Variants in SLC4A4 observed in about 807,000 individuals in gnomAD.
The protein encoded by SLC4A4 is solute carrier family 4 member 4, also known as electrogenic sodium bicarbonate cotransporter 1.
Under a neutral mutation model 111.5 loss-of-function variants are expected in SLC4A4, and 27 were observed. That is an observed-to-expected ratio of 0.24 (90% CI 0.18 to 0.33). SLC4A4 has a LOEUF of 0.33. Ranked by LOEUF, SLC4A4 falls within the 10% of genes least tolerant of loss-of-function variation. SLC4A4 has a pLI of 1.00. For synonymous variants in SLC4A4, 443 were observed against 463.4 expected (o/e 0.96, Z 0.57); for missense variants, 909 against 1,315.5 (o/e 0.69, Z 4.78).
chr4:71,276,591 T>C (rs1723088376), intron 3 of SLC4A4, among the ~76,000 whole-genome samples: 1 of 152,184 alleles, frequency 6.6e-6, no homozygotes, highest in East Asian at 1.9e-4. Context: ...TCTTCTTCTT[T>C]TTTTTTCCCA....
chr4:71,553,734 A>G (rs1291974902), intron 20 of SLC4A4, among the ~76,000 whole-genome samples: 1 of 151,870 alleles, frequency 6.6e-6, no homozygotes, highest in African/African-American at 2.4e-5. Flanking sequence ...AAGGAATAGA[A>G]ACATGCACAT....
intron 2 of SLC4A4, among the ~76,000 whole-genome samples, chr4:71,152,021 C>CA (rs201549552): frequency 1.3e-5 from 2 of 150,426 alleles, no homozygotes; most frequent in African/African-American, 4.9e-5. Flanking sequence ...AAAACCCTCT[C>CA]AAAAAAAAAT....
intron 1 of SLC4A4, among the ~76,000 whole-genome samples, chr4:71,066,416 T>G (rs1488579943): frequency 6.6e-6 from 1 of 152,190 alleles, no homozygotes; most frequent in Non-Finnish European, 1.5e-5. Context: ...AATTTGATAT[T>G]CTGGTTCAAG....
intron 3 of SLC4A4, among the ~76,000 whole-genome samples, chr4:71,306,631 A>C (rs1420187120): frequency 6.6e-6 from 1 of 152,220 alleles, no homozygotes; most frequent in East Asian, 1.9e-4. Flanking sequence ...GAAAAAATTA[A>C]ATGCAAAGAA....
intron 12 of SLC4A4, among the ~76,000 whole-genome samples, chr4:71,462,735 T>C (rs975608245): frequency 6.6e-6 from 1 of 152,100 alleles, no homozygotes; most frequent in African/African-American, 2.4e-5. Context: ...ATAAGTACAG[T>C]ACACATATGG....
chr4:71,347,951 A>G (rs1729476319), intron 4 of SLC4A4, among the ~76,000 whole-genome samples: 1 of 152,180 alleles, frequency 6.6e-6, no homozygotes, highest in Non-Finnish European at 1.5e-5. Flanking sequence ...AGATGACATA[A>G]TTCTAGATAA....
chr4:71,400,653 A>G (rs182923008), intron 7 of SLC4A4, among the ~76,000 whole-genome samples: 3 of 152,320 alleles, frequency 2.0e-5, no homozygotes, highest in African/African-American at 4.8e-5. Flanking sequence ...TAACTAATTC[A>G]TAATCTCTTC....
chr4:71,351,070 T>C (rs1245498127), intron 5 of SLC4A4, among the ~76,000 whole-genome samples: 1 of 152,226 alleles, frequency 6.6e-6, no homozygotes, highest in Admixed American at 6.5e-5. Context: ...TGCAGTGGTG[T>C]GTGCCCAAGG....
chr4:71,489,737 C>T (rs1223320861), intron 15 of SLC4A4, among the ~76,000 whole-genome samples: 1 of 151,618 alleles, frequency 6.6e-6, no homozygotes, highest in African/African-American at 2.4e-5. Flanking sequence ...GTCATCAGGA[C>T]TTAATTTTCC....
At chr4:71,105,076 C>T (rs1480304453) in intron 2 of SLC4A4, among the ~76,000 whole-genome samples, 1 of 83,972 alleles carries the variant, frequency 1.2e-5, no homozygotes, top group Non-Finnish European at 2.2e-5. Context: ...AGCAAAGTCT[C>T]AGGATACAAA....
chr4:71,378,989 T>C lies in SLC4A4; in HGVS notation c.731-18588T>C, dbSNP rs114150496. 9.7e-4 allele frequency among the ~76,000 whole-genome samples: 147 copies of C among 152,316 alleles called. 1 individual carries two copies. The highest frequency in any genetic ancestry group is 3.3e-3 in the African/African-American group (138 of 41,562). On this transcript the variant is annotated intron_variant, in intron 6 of 25. Transcript: ENST00000264485. The stretch of plus-strand genomic sequence containing the variant: ...TACTCTTCTGCCATTTTACTTCTGA[T>C]TTATTCCCACCCTTCCTTGACTATT...
chr4:71,218,804 A>G (rs980136986), intron 1 of SLC4A4, among the ~76,000 whole-genome samples: 1 of 152,100 alleles, frequency 6.6e-6, no homozygotes, highest in Non-Finnish European at 1.5e-5. Context: ...TTTTATTATT[A>G]TTTCTATAAT....
chr4:71,289,969 G>A (rs1193955026), intron 3 of SLC4A4, among the ~76,000 whole-genome samples: 2 of 152,222 alleles, frequency 1.3e-5, no homozygotes, highest in African/African-American at 4.8e-5. Flanking sequence ...CAACATCTAT[G>A]ATAGGTTGGA....
chr4:71,158,113 G>A (rs1744525276), intron 2 of SLC4A4, among the ~76,000 whole-genome samples: 1 of 150,678 alleles, frequency 6.6e-6, no homozygotes, highest in African/African-American at 2.5e-5. Context: ...GTGTGTGTGT[G>A]TGTGTGTGTG....
chr4:71,230,875 G>A (rs1578635153), intron 1 of SLC4A4, among the ~76,000 whole-genome samples: 2 of 152,178 alleles, frequency 1.3e-5, no homozygotes, highest in African/African-American at 2.4e-5. Flanking sequence ...GCTCAGTACC[G>A]CAGTCGCTTT....
At chr4:71,297,585 CTTTTTTTTTTTT>C (rs112132682) in intron 3 of SLC4A4, among the ~76,000 whole-genome samples, 1 of 115,048 alleles carries the variant, frequency 8.7e-6, no homozygotes, top group South Asian at 2.9e-4. Context: ...ATTGGTGAAT[CTTTTTTTTTTTT>C]TTTTTTTTGA....
At position 71,182,087 on chromosome 4, in the gene SLC4A4, T is replaced by C. The variant is rs180692902; in HGVS notation, c.-1-54489T>C. On this transcript the variant is annotated intron_variant, in intron 2 of 26. Transcript: ENST00000649996. ...CTTATTTGTTTACTTGTAAGTTCCA[T>C]GAAGCAGGAACTTTTCTTGTTCTAG... 1.1e-4 allele frequency among the ~76,000 whole-genome samples: 17 copies of C among 152,332 alleles called. No individual in the cohort carries two copies. In the East Asian group the frequency reaches 3.1e-3, roughly 28 times the overall value.
intron 18 of SLC4A4, among the ~76,000 whole-genome samples, chr4:71,534,977 A>G (rs978291116): frequency 1.3e-5 from 2 of 152,158 alleles, no homozygotes; most frequent in African/African-American, 4.8e-5. Flanking sequence ...ATCTTTCAAG[A>G]GAGCTGCCTA....
intron 12 of SLC4A4, 74 bp downstream of exon 12, chr4:71,453,743 A>T: frequency 7.3e-7 from 1 of 1,367,876 alleles, no homozygotes; most frequent in Admixed American, 1.7e-5. Flanking sequence ...CTCAGTTAGA[A>T]GCAGATGGCC....
Sources: gnomAD v4.1 joint callset for allele counts (sites outside exome capture counted in the v4.1 genomes callset) on GRCh38, gnomAD v4.1.1 for gene constraint, MANE v1.5 for transcripts, NCBI Gene and HGNC (gene_info 2026-07-23, HGNC 2026-07-21) for gene names.